The following SLC38A1 variants were observed in gnomAD, a reference collection of about 807,000 sequenced individuals.
The protein encoded by SLC38A1 is solute carrier family 38 member 1.
In SLC38A1, 18 loss-of-function variants were observed where a neutral mutation model predicts 60.3. The observed-to-expected ratio is 0.30, with a 90% CI of 0.21 to 0.44. The LOEUF (loss-of-function observed/expected upper bound fraction) is 0.44, where lower values mean the gene tolerates loss of function less well. Ranked by LOEUF, SLC38A1 falls within the 20% of genes least tolerant of loss-of-function variation. The pLI, the probability that SLC38A1 is intolerant of heterozygous loss-of-function variation, is 1.00. For missense variants in SLC38A1, 448 were observed against 587.2 expected (o/e 0.76, Z 2.45); for synonymous variants, 196 against 212.1 (o/e 0.92, Z 0.66).
At chr12:46,232,749 A>C (rs1175422158) in intron 3 of SLC38A1, among the ~76,000 whole-genome samples, 1 of 152,244 alleles carries the variant, frequency 6.6e-6, no homozygotes, top group African/African-American at 2.4e-5. Flanking sequence ...AAGGATGCTC[A>C]AGTCCCTAAC....
At chr12:46,240,640 G>T (rs530251674) in intron 2 of SLC38A1, among the ~76,000 whole-genome samples, 162 of 152,236 alleles carry the variant, frequency 1.1e-3, no homozygotes, top group African/African-American at 3.7e-3. Flanking sequence ...CAAATCCTGG[G>T]ATCAAGCACG....
In SLC38A1 at chr12:46,207,243, G is replaced by A. The variant is rs1225230481; in HGVS notation, c.482-7C>T. 1 of 1,604,022 alleles carries A rather than the reference G, an allele frequency of 6.2e-7. No individual in the cohort carries two copies. Among genetic ancestry groups the A allele is most frequent in the Admixed American group, 1.7e-5 (1 of 59,032 alleles). ...AAGAGGTAGCTCAGCATTGCTGAAG[G>A]AAAATGAGAACATTTTTAGAAAGAA... On this transcript the variant is annotated splice_polypyrimidine_tract_variant and splice_region_variant and intron_variant, in intron 7 of 16. Coordinates refer to ENST00000398637, the MANE Select transcript of SLC38A1 (RefSeq NM_030674.4).
intron 2 of SLC38A1, among the ~76,000 whole-genome samples, chr12:46,242,911 T>C (rs1670145369): frequency 6.6e-6 from 1 of 152,192 alleles, no homozygotes; most frequent in African/African-American, 2.4e-5. Context: ...TTTCTTCCTT[T>C]TCTCTTTTCC....
At chr12:46,260,344 G>A (rs575792436) in intron 1 of SLC38A1, among the ~76,000 whole-genome samples, 2 of 152,168 alleles carry the variant, frequency 1.3e-5, no homozygotes, top group African/African-American at 4.8e-5. Flanking sequence ...ATTCTACAAA[G>A]GCATCTTTCA....
At chr12:46,227,048 CAA>C (rs112968984) in intron 5 of SLC38A1, among the ~76,000 whole-genome samples, 2 of 114,504 alleles carry the variant, frequency 1.7e-5, no homozygotes. Flanking sequence ...GACAAGTTTC[CAA>C]AAAAAAAAAA....
chr12:46,244,835 C>A (rs541864011), intron 1 of SLC38A1, among the ~76,000 whole-genome samples: 48 of 152,342 alleles, frequency 3.2e-4, no homozygotes, highest in Admixed American at 1.4e-3. Context: ...AAACAGATCT[C>A]TGTTAAATGA....
chr12:46,266,646 G>A (rs555364060), intron 1 of SLC38A1, among the ~76,000 whole-genome samples: 2 of 152,096 alleles, frequency 1.3e-5, no homozygotes, highest in African/African-American at 4.8e-5. Context: ...TACCTGAAAT[G>A]TATATGCCTA....
intron 5 of SLC38A1, among the ~76,000 whole-genome samples, chr12:46,227,986 T>C (rs1408939758): frequency 1.3e-5 from 2 of 152,032 alleles, no homozygotes; most frequent in Non-Finnish European, 2.9e-5. Context: ...CATAGAAATA[T>C]GTTGTCCAAT....
At chr12:46,216,752 C>A (rs1368053993) in intron 5 of SLC38A1, among the ~76,000 whole-genome samples, 4 of 151,922 alleles carry the variant, frequency 2.6e-5, no homozygotes, top group Non-Finnish European at 4.4e-5. Flanking sequence ...CCCAGCTACT[C>A]GGGAGGCTGA....
At chr12:46,260,563 T>C (rs1270087252) in intron 1 of SLC38A1, among the ~76,000 whole-genome samples, 1 of 152,192 alleles carries the variant, frequency 6.6e-6, no homozygotes, top group African/African-American at 2.4e-5. Context: ...CTTTTCAGAC[T>C]CCTGCTGCCT....
At chr12:46,214,233 C>T (rs1940304284) in intron 5 of SLC38A1, among the ~76,000 whole-genome samples, 1 of 152,132 alleles carries the variant, frequency 6.6e-6, no homozygotes, top group South Asian at 2.1e-4. Flanking sequence ...GATTTTTAAA[C>T]AGATTCCTGA....
At chr12:46,200,604 T>G (rs535946012) in intron 13 of SLC38A1, among the ~76,000 whole-genome samples, 1 of 152,182 alleles carries the variant, frequency 6.6e-6, no homozygotes, top group Non-Finnish European at 1.5e-5. Flanking sequence ...CAGATTTCAT[T>G]TTTTAAAATT....
In SLC38A1 at chr12:46,229,548, T is replaced by G. The variant is rs548251635; in HGVS notation, c.198+16A>C. The G allele has an allele frequency of 6.3e-7, 1 of 1,579,568 alleles. No individual in the cohort carries two copies. The highest frequency in any genetic ancestry group is 2.2e-5 in the East Asian group (1 of 44,654). Reference sequence around the variant, plus strand: ...TGATTAAAAAAATAAGCATACTTCATTATAATGATACTTACATACTCATCA... The same window carrying G: ...TGATTAAAAAAATAAGCATACTTCAGTATAATGATACTTACATACTCATCA... On this transcript the variant is annotated intron_variant, in intron 4 of 16. Coordinates refer to ENST00000398637, the MANE Select transcript of SLC38A1 (RefSeq NM_030674.4).
Position 46,242,621 on chromosome 12 carries a change from AAC to A in SLC38A1, c.-94+577_-94+578del, listed in dbSNP as rs199821150. 1.1e-4 allele frequency among the ~76,000 whole-genome samples: 16 copies of A among 151,320 alleles called. 1 individual carries two copies. The East Asian group carries it at 2.5e-3, about 24-fold the overall frequency. On this transcript the variant is annotated intron_variant, in intron 2 of 16. Coordinates refer to ENST00000398637, the MANE Select transcript of SLC38A1 (RefSeq NM_030674.4). ...TACAAAAAACAAACAACAACAAAAAAACAAAACAACAACAAAAAATCAAAACA... is the reference window on the plus strand; with the variant it reads ...TACAAAAAACAAACAACAACAAAAAAAAAACAACAACAAAAAATCAAAACA...
chr12:46,237,444 G>A (rs1941299143), intron 3 of SLC38A1, among the ~76,000 whole-genome samples: 1 of 148,770 alleles, frequency 6.7e-6, no homozygotes, highest in Non-Finnish European at 1.5e-5. Context: ...GAGAAATGAA[G>A]CAAGAGTCAT....
chr12:46,258,496 T>C (rs1171147782), intron 1 of SLC38A1, among the ~76,000 whole-genome samples: 4 of 152,224 alleles, frequency 2.6e-5, no homozygotes, highest in Non-Finnish European at 5.9e-5. Flanking sequence ...TTTTACATAA[T>C]ATTTTAAATA....
chr12:46,195,191 A>G (rs1304340338), intron 16 of SLC38A1, among the ~76,000 whole-genome samples: 1 of 151,908 alleles, frequency 6.6e-6, no homozygotes, highest in East Asian at 1.9e-4. Context: ...CCACAGTCAG[A>G]CCCCTCAGCT....
chr12:46,205,719 G>T (rs780015503), intron 9 of SLC38A1, among the ~76,000 whole-genome samples: 26 of 152,090 alleles, frequency 1.7e-4, no homozygotes, highest in Admixed American at 4.6e-4. Flanking sequence ...TATTAGATTT[G>T]AAAATGTATT....
At chr12:46,258,075 T>A (rs1942087926) in intron 1 of SLC38A1, among the ~76,000 whole-genome samples, 1 of 152,370 alleles carries the variant, frequency 6.6e-6, no homozygotes, top group African/African-American at 2.4e-5. Context: ...ATGGCATTTG[T>A]AAGCTGTCAT....
Sources: allele counts gnomAD v4.1 joint callset (sites outside exome capture counted in the v4.1 genomes callset), GRCh38; gene constraint gnomAD v4.1.1; transcripts MANE v1.5; gene names NCBI Gene and HGNC (gene_info 2026-07-23, HGNC 2026-07-21).